PCDHA3: variants seen among roughly 807,000 people sequenced by gnomAD.
PCDHA3 encodes protocadherin alpha 3.
PCDHA3 carries 41 observed loss-of-function variants against 62.2 expected under a neutral mutation model. That is an observed-to-expected ratio of 0.66 (90% CI 0.51 to 0.86). The LOEUF is 0.86. Ranked by LOEUF, PCDHA3 falls within the 40% of genes least tolerant of loss-of-function variation. PCDHA3 has a pLI of 0.00. For synonymous variants in PCDHA3, 640 were observed against 555.4 expected (o/e 1.15, Z -2.14); for missense variants, 1,304 against 1,241.2 (o/e 1.05, Z -0.76).
At chr5:140,984,976 C>A (rs905264957) in intron 3 of PCDHA3, among the ~76,000 whole-genome samples, 8 of 151,910 alleles carry the variant, frequency 5.3e-5, no homozygotes, top group African/African-American at 1.9e-4. Flanking sequence ...CTCGCTCTGT[C>A]CCCCAGGCTG....
Position 140,857,207 on chromosome 5 carries a change from T to C in PCDHA3, c.2394+53616T>C, listed in dbSNP as rs374547664. The C allele has an allele frequency of 2.5e-6, 4 of 1,598,416 alleles. No homozygotes were observed. In the African/African-American group the frequency reaches 5.4e-5, roughly 22 times the overall value. ...AGGAGCCAACGGACAGGTCACCTGC[T>C]CTCTGACGCCTCACGTTCCGTTCAA... is the stretch of plus-strand genomic sequence containing the variant. On this transcript the variant is annotated intron_variant, in intron 1 of 3. Transcript: ENST00000522353.
At chr5:140,989,747 G>A (rs1554251066) in intron 3 of PCDHA3, among the ~76,000 whole-genome samples, 1 of 152,166 alleles carries the variant, frequency 6.6e-6, no homozygotes, top group African/African-American at 2.4e-5. Flanking sequence ...TGCCTAATCT[G>A]GAGAAACATA....
At chr5:140,829,657 G>C in intron 1 of PCDHA3, 1 of 1,612,592 alleles carries the variant, frequency 6.2e-7, no homozygotes, top group African/African-American at 1.3e-5. Flanking sequence ...CGCTGCAGCC[G>C]CTGGACCACG....
intron 1 of PCDHA3, chr5:140,861,034 G>A (rs1262696550): frequency 1.3e-5 from 2 of 152,270 alleles, no homozygotes; most frequent in Admixed American, 6.5e-5. Context: ...CGGCCGAAAG[G>A]TATTTTTTTT....
At chr5:140,855,737 C>A (rs1168168277) in intron 1 of PCDHA3, 12 of 304,242 alleles carry the variant, frequency 3.9e-5, no homozygotes, top group Non-Finnish European at 6.7e-5. Context: ...TATAAAGAGA[C>A]GTAATGTGAG....
At chr5:140,839,890 G>A (rs1168165739) in intron 1 of PCDHA3, among the ~76,000 whole-genome samples, 3 of 151,956 alleles carry the variant, frequency 2.0e-5, no homozygotes, top group African/African-American at 7.3e-5. Flanking sequence ...AATTTTGACA[G>A]AAAAAGATGA....
intron 3 of PCDHA3, among the ~76,000 whole-genome samples, chr5:140,985,476 T>C (rs1554247100): frequency 6.6e-6 from 1 of 152,162 alleles, no homozygotes; most frequent in Admixed American, 6.6e-5. Flanking sequence ...ATTTGGTTGT[T>C]TCCAGACTCA....
At chr5:140,836,998 G>A (rs2150272095) in intron 1 of PCDHA3, 32 of 336,008 alleles carry the variant, frequency 9.5e-5, no homozygotes, top group Non-Finnish European at 1.5e-4. Flanking sequence ...TTGCTAACTG[G>A]AGCAATGGAT....
At position 140,888,063 on chromosome 5, in the gene PCDHA3, T is replaced by A. The variant is rs1412671068; in HGVS notation, c.2394+84472T>A. On this transcript the variant is annotated intron_variant, in intron 1 of 3. Coordinates refer to ENST00000522353, the MANE Select transcript of PCDHA3 (RefSeq NM_018906.3). Reference sequence around the variant, plus strand: ...TGTATAATAGATGTTTTAACTTTCTTGTCTGCTAATTTCAACATTTTTGTC... The same window carrying A: ...TGTATAATAGATGTTTTAACTTTCTAGTCTGCTAATTTCAACATTTTTGTC... Among the ~76,000 whole-genome samples the A allele has an allele frequency of 2.0e-5, 3 of 152,238 alleles. No homozygotes were observed. In the East Asian group the frequency reaches 5.8e-4, roughly 29 times the overall value.
rs782153371 is a variant in PCDHA3, at chr5:140,807,406, CCTT to C, written c.2394+3818_2394+3820del. 30 of 1,545,960 alleles carry C rather than the reference CCTT, an allele frequency of 1.9e-5. 3 individuals are homozygous for C. In the Admixed American group the frequency reaches 2.8e-4, roughly 15 times the overall value. On this transcript the variant is annotated intron_variant, in intron 1 of 3. Transcript: ENST00000522353. ...GGGTGGCGTCCAAGGGCCGCGGAGG[CCTT>C]CTGGAGGTAAATCTGCAGAATGGCA...
intron 1 of PCDHA3, among the ~76,000 whole-genome samples, chr5:140,945,198 C>T (rs1563212846): frequency 6.6e-6 from 1 of 151,982 alleles, no homozygotes; most frequent in Non-Finnish European, 1.5e-5. Flanking sequence ...ATGCTATTTA[C>T]AATAGCTATG....
At chr5:140,818,794 C>G (rs1184568922) in intron 1 of PCDHA3, among the ~76,000 whole-genome samples, 2 of 152,214 alleles carry the variant, frequency 1.3e-5, no homozygotes, top group Non-Finnish European at 2.9e-5. Context: ...TGTACCACTG[C>G]ACTCCAGCCT....
intron 1 of PCDHA3, among the ~76,000 whole-genome samples, chr5:140,920,775 T>G (rs1007654952): frequency 5.4e-5 from 8 of 147,470 alleles, no homozygotes; most frequent in African/African-American, 1.8e-4. Context: ...ACCTGGGAGG[T>G]GGAGGTTGCA....
At chr5:140,962,191 T>C (rs2095664022) in intron 1 of PCDHA3, among the ~76,000 whole-genome samples, 1 of 152,210 alleles carries the variant, frequency 6.6e-6, no homozygotes, top group African/African-American at 2.4e-5. Flanking sequence ...ATCACTTTTA[T>C]GCTTCCTATC....
At chr5:140,852,956 C>G (rs2042556592) in intron 1 of PCDHA3, 1 of 438,466 alleles carries the variant, frequency 2.3e-6, no homozygotes, top group Non-Finnish European at 3.1e-6. Flanking sequence ...TTGGCTCACT[C>G]CAAGCTCCCC....
In PCDHA3 at chr5:140,802,951, T is replaced by C. The variant is rs782235300; in HGVS notation, c.1754T>C (p.Val585Ala). 40 of 1,613,774 alleles carry C rather than the reference T, an allele frequency of 2.5e-5. No individual in the cohort carries two copies. Among genetic ancestry groups the C allele is most frequent in the Non-Finnish European group, 3.2e-5 (38 of 1,179,890 alleles). The change falls in exon 1 of 4, where the codon GTG (valine) becomes GCG (alanine). Residue 585 changes from valine to alanine, a missense_variant. Transcript: ENST00000522353. ...GAVSELVPRS[V>A]GAGHVVAKVR... The stretch of plus-strand genomic sequence containing the variant: ...GTGAGCGAGCTGGTGCCGCGGTCAG[T>C]GGGTGCGGGCCACGTGGTAGCGAAG...
intron 1 of PCDHA3, among the ~76,000 whole-genome samples, chr5:140,831,520 C>CTT (rs2150195630): frequency 1.3e-4 from 16 of 122,400 alleles, no homozygotes; most frequent in East Asian, 4.9e-4. Flanking sequence ...TGCCCCCCAC[C>CTT]TTTTTTTTTT....
intron 1 of PCDHA3, among the ~76,000 whole-genome samples, chr5:140,873,132 A>G (rs2054118651): frequency 6.6e-6 from 1 of 152,212 alleles, no homozygotes; most frequent in Non-Finnish European, 1.5e-5. Flanking sequence ...CAAAGAGTCT[A>G]TGCTGAAGCC....
rs782277287 is a variant in PCDHA3 at position 140,929,397 on chromosome 5, T to C, written c.2395-49552T>C. 4.6e-6 allele frequency: 7 copies of C among 1,509,852 alleles called. No homozygotes were observed. In the South Asian group the frequency reaches 9.5e-5, roughly 21 times the overall value. The allele number at this position is 1,509,852 out of a possible 1,614,324, so 93.5% of individuals were successfully genotyped here. A position where few individuals can be genotyped will look rare whatever the true frequency, so the allele number is the denominator to read the frequency against. Reference sequence around the variant, plus strand: ...GCTAGCTGTGTTTTGAAATATTTCTTAGACAAGCCTTTCACAACATTTCAT... The same window carrying C: ...GCTAGCTGTGTTTTGAAATATTTCTCAGACAAGCCTTTCACAACATTTCAT... On this transcript the variant is annotated intron_variant, in intron 1 of 3. Transcript: ENST00000522353.
Sources: allele counts gnomAD v4.1 joint callset (sites outside exome capture counted in the v4.1 genomes callset), GRCh38; gene constraint gnomAD v4.1.1; transcripts MANE v1.5; gene names NCBI Gene and HGNC (gene_info 2026-07-23, HGNC 2026-07-21).